Variants in GPATCH1 observed in about 807,000 individuals in gnomAD.
GPATCH1 encodes the protein G-patch domain containing 1.
In GPATCH1, 73 loss-of-function variants were observed where a neutral mutation model predicts 114.9. The ratio of observed to expected loss-of-function variants is 0.64; its 90% CI spans 0.53 to 0.77. GPATCH1 has a LOEUF of 0.77. Ranked by LOEUF, GPATCH1 falls within the 30% of genes least tolerant of loss-of-function variation. The pLI is 0.00. For missense variants in GPATCH1, 1,058 were observed against 1,144.3 expected (o/e 0.92, Z 1.09); for synonymous variants, 391 against 428.4 (o/e 0.91, Z 1.08).
At chr19:33,101,160 T>C (rs1394014907) in intron 8 of GPATCH1, among the ~76,000 whole-genome samples, 1 of 152,234 alleles carries the variant, frequency 6.6e-6, no homozygotes, top group Non-Finnish European at 1.5e-5. Context: ...TGGTGGTTTT[T>C]CTTGATCTTT....
At position 33,125,162 on chromosome 19, in the gene GPATCH1, A is replaced by T; in HGVS notation, c.2579A>T (p.Lys860Met). 6.3e-7 allele frequency: 1 copy of T among 1,598,812 alleles called. No homozygotes were observed. The highest frequency in any genetic ancestry group is 8.5e-7 in the Non-Finnish European group (1 of 1,172,438). Residue 860 changes from lysine (K) to methionine (M), a missense_variant, in exon 18 of 20, where the codon AAG (lysine) becomes ATG (methionine). By Grantham distance (95) the Lys-to-Met change is moderately conservative. Transcript: ENST00000170564. Reference protein sequence around the residue: ...QKEKHKKNKDKHKAKKEHRRK... With the variant: ...QKEKHKKNKDMHKAKKEHRRK... Reference sequence around the variant, plus strand: ...GAGAAACATAAAAAGAACAAAGACAAGCACAAGGCCAAGAAAGAGCACAGG... The same window carrying T: ...GAGAAACATAAAAAGAACAAAGACATGCACAAGGCCAAGAAAGAGCACAGG...
chr19:33,125,721 C>T (rs1973034110), intron 18 of GPATCH1, among the ~76,000 whole-genome samples: 1 of 152,054 alleles, frequency 6.6e-6, no homozygotes, highest in South Asian at 2.1e-4. Context: ...GAAAAAAGGG[C>T]ATTTAGGGAT....
In GPATCH1 at chr19:33,106,776, TCA is replaced by T; in HGVS notation, c.1166_1167del (p.His389LeufsTer15). The T allele has an allele frequency of 6.2e-7, 1 of 1,613,778 alleles. No individual in the cohort carries two copies. The highest frequency in any genetic ancestry group is 8.5e-7 in the Non-Finnish European group (1 of 1,179,876). On this transcript the variant is annotated frameshift_variant, in exon 10 of 20. Coordinates refer to ENST00000170564, the MANE Select transcript of GPATCH1 (RefSeq NM_018025.3). LOFTEE classifies it high-confidence loss of function. The part of the protein sequence containing the change: ...RPMVAATSEN[S>X]HLLQVLSESA... ...CATGGTGGCCGCCACCTCCGAGAAC[TCA>T]CACTTACTGCAGGTATTATCAGAGT...
chr19:33,092,424 A>G (rs1184867623), intron 3 of GPATCH1, among the ~76,000 whole-genome samples: 2 of 152,074 alleles, frequency 1.3e-5, no homozygotes, highest in African/African-American at 2.4e-5. Flanking sequence ...TGCTTGCACA[A>G]ATTGTTTTAC....
At chr19:33,089,960 G>C (rs1972576555) in intron 2 of GPATCH1, among the ~76,000 whole-genome samples, 1 of 142,168 alleles carries the variant, frequency 7.0e-6, no homozygotes, top group East Asian at 2.1e-4. Context: ...TTTTGAGACA[G>C]GGTCTCACTC....
rs959408600 is a variant in GPATCH1 at position 33,118,014 on chromosome 19, T to A, written c.2386T>A (p.Leu796Met). Residue 796 changes from leucine (L) to methionine (M), a missense_variant, in exon 16 of 20, where the codon TTG becomes ATG. By Grantham distance (15) the Leu-to-Met change is conservative. Transcript: ENST00000170564. ...CTTCCAAAGCTCCCAAGACACTGACTTGGGGGAAACATCATCTGTGGCTCA... is the reference window on the plus strand; with the variant it reads ...CTTCCAAAGCTCCCAAGACACTGACATGGGGGAAACATCATCTGTGGCTCA... ...ANFQSSQDTD[L>M]GETSSVAHAL... 2.5e-6 allele frequency: 4 copies of A among 1,613,518 alleles called. No homozygotes were observed. The highest frequency in any genetic ancestry group is 3.3e-5 in the Admixed American group (2 of 59,948).
intron 2 of GPATCH1, 74 bp from the exon 3 acceptor site, chr19:33,090,706 A>G (rs538355162): frequency 9.2e-6 from 8 of 868,500 alleles, no homozygotes; most frequent in South Asian, 8.2e-5. Context: ...AAGTCCATAC[A>G]TGTTATTTAA....
At chr19:33,126,069 C>T (rs1394370510) in intron 18 of GPATCH1, among the ~76,000 whole-genome samples, 2 of 152,152 alleles carry the variant, frequency 1.3e-5, no homozygotes, top group South Asian at 2.1e-4. Context: ...GGGAAGCACT[C>T]CCACGTATGG....
chr19:33,097,095 G>C (rs1418827399), intron 7 of GPATCH1, among the ~76,000 whole-genome samples: 1 of 151,086 alleles, frequency 6.6e-6, no homozygotes, highest in African/African-American at 2.4e-5. Context: ...ACAGGCATGC[G>C]CCACCACCCC....
intron 19 of GPATCH1, among the ~76,000 whole-genome samples, chr19:33,129,586 T>C (rs751061366): frequency 6.6e-6 from 1 of 152,088 alleles, no homozygotes; most frequent in African/African-American, 2.4e-5. Context: ...CTTTTATAAG[T>C]GGTCTTAATA....
chr19:33,119,105 G>T lies in GPATCH1; in HGVS notation c.2509G>T (p.Val837Phe), dbSNP rs367828894. ...REEFGPRLPP[V>F]FCPNARQTLE... Reference sequence around the variant, plus strand: ...AGAGTTCGGCCCGCGGCTGCCTCCCGTCTTCTGCCCCAGTGAGTGCAGAGC... The same window carrying T: ...AGAGTTCGGCCCGCGGCTGCCTCCCTTCTTCTGCCCCAGTGAGTGCAGAGC... Residue 837 changes from valine to phenylalanine, a missense_variant, in exon 17 of 20, where the codon GTC becomes TTC. By Grantham distance (50) the Val-to-Phe change is conservative. This residue lies in a region of GPATCH1 where 893 missense variants were observed against 977.4 expected (regional missense o/e 0.91). Coordinates refer to ENST00000170564, the MANE Select transcript of GPATCH1 (RefSeq NM_018025.3). 4.4e-6 allele frequency: 7 copies of T among 1,602,374 alleles called. No homozygotes were observed. In the South Asian group the frequency reaches 7.7e-5, roughly 18 times the overall value.
At chr19:33,082,519 C>T (rs2145295222) in intron 1 of GPATCH1, among the ~76,000 whole-genome samples, 1 of 152,280 alleles carries the variant, frequency 6.6e-6, no homozygotes, top group East Asian at 1.9e-4. Flanking sequence ...CTGCTGGATA[C>T]TGGCCCTTCT....
intron 7 of GPATCH1, among the ~76,000 whole-genome samples, chr19:33,097,497 T>C (rs1015529418): frequency 6.6e-6 from 1 of 152,172 alleles, no homozygotes; most frequent in Non-Finnish European, 1.5e-5. Context: ...CCTCTTCCTG[T>C]GCTGGGACCT....
rs1320214346 is a variant in GPATCH1 at position 33,117,957 on chromosome 19, G to A, written c.2329G>A (p.Glu777Lys). The change falls in exon 16 of 20, where the codon GAA becomes AAA. Residue 777 changes from glutamate to lysine, a missense_variant. Glu to Lys is a moderately conservative substitution (Grantham distance 56). Transcript: ENST00000170564. ...CTCCGAGGATGAGCAAGGTGACAGT[G>A]AAGATGATCAGGCAGGCTCTGGGGA... ...SSSEDEQGDS[E>K]DDQAGSGEAN... is the part of the protein sequence containing the mutation. 1.2e-6 allele frequency: 2 copies of A among 1,613,892 alleles called. No individual in the cohort carries two copies. Among genetic ancestry groups the A allele is most frequent in the African/African-American group, 2.7e-5 (2 of 74,954 alleles).
chr19:33,116,385 A>C (rs1164210522), intron 15 of GPATCH1, among the ~76,000 whole-genome samples: 1 of 152,174 alleles, frequency 6.6e-6, no homozygotes, highest in East Asian at 1.9e-4. Context: ...TGTCTGAGGA[A>C]CTTCCTTTAG....
intron 12 of GPATCH1, 56 bp from the exon 13 acceptor site, chr19:33,112,430 G>C: frequency 2.5e-6 from 4 of 1,591,886 alleles, no homozygotes; most frequent in Non-Finnish European, 3.4e-6. Context: ...AAATGGGAGA[G>C]CAGTCAGGTC....
intron 15 of GPATCH1, among the ~76,000 whole-genome samples, chr19:33,115,588 G>C (rs1018851842): frequency 6.7e-6 from 1 of 149,512 alleles, no homozygotes; most frequent in South Asian, 2.1e-4. Flanking sequence ...TCTGCCTCCC[G>C]GGTTCAAGCA....
chr19:33,105,327 G>A (rs1373910934), intron 9 of GPATCH1, among the ~76,000 whole-genome samples: 1 of 149,744 alleles, frequency 6.7e-6, no homozygotes, highest in Non-Finnish European at 1.5e-5. Context: ...TGCTACTTGG[G>A]AGGCTGAGGC....
intron 1 of GPATCH1, among the ~76,000 whole-genome samples, chr19:33,083,708 T>C (rs1212298976): frequency 6.6e-6 from 1 of 151,798 alleles, no homozygotes; most frequent in Non-Finnish European, 1.5e-5. Flanking sequence ...AACCTTGCTT[T>C]TGAAGTGGAA....
Sources: gnomAD v4.1 joint callset for allele counts (sites outside exome capture counted in the v4.1 genomes callset) on GRCh38, gnomAD v4.1.1 for gene constraint, gnomAD v4.1.1 regional missense constraint, MANE v1.5 for transcripts, NCBI Gene and HGNC (gene_info 2026-07-23, HGNC 2026-07-21) for gene names.